GALNT12: variants seen among roughly 807,000 people sequenced by gnomAD.
GALNT12 encodes UDP-GalNAc:polypeptide N-acetylgalactosaminyltransferase 12.
Under a neutral mutation model 55.5 loss-of-function variants are expected in GALNT12, and 45 were observed. The ratio of observed to expected loss-of-function variants is 0.81; its 90% CI spans 0.64 to 1.04. The LOEUF (loss-of-function observed/expected upper bound fraction) is 1.04, where lower values mean the gene tolerates loss of function less well. Ranked by LOEUF, GALNT12 falls within the 50% of genes least tolerant of loss-of-function variation. The pLI is 0.00. For synonymous variants in GALNT12, 304 were observed against 312.2 expected, an observed-to-expected ratio of 0.97 and a Z score of 0.28; for missense variants, 709 against 754.8, an observed-to-expected ratio of 0.94 and a Z score of 0.71.
Position 98,840,035 on chromosome 9 carries a change from C to T in GALNT12, c.1246C>T (p.Leu416Phe), listed in dbSNP as rs1836248453. ...TGGGGATGTGACAGAGAGGAAGCAG[C>T]TCCGGGACAAGCTCCAGTGTAAAGA... ...PFGDVTERKQ[L>F]RDKLQCKDFK... Residue 416 changes from leucine to phenylalanine, a missense_variant, in exon 7 of 10, where the codon CTC becomes TTC. Transcript: ENST00000375011. The T allele has an allele frequency of 6.2e-7, 1 of 1,614,192 alleles. No individual in the cohort carries two copies. The highest frequency in any genetic ancestry group is 8.5e-7 in the Non-Finnish European group (1 of 1,180,016).
Position 98,840,128 on chromosome 9 carries a change from G to C in GALNT12, c.1339G>C (p.Gly447Arg). The C allele has an allele frequency of 6.2e-7, 1 of 1,613,358 alleles. No individual in the cohort carries two copies. The highest frequency in any genetic ancestry group is 8.5e-7 in the Non-Finnish European group (1 of 1,179,908). Reference protein sequence around the residue: ...HVPEDRPGFFGMLQNKGLTDY... With the variant: ...HVPEDRPGFFRMLQNKGLTDY... ...GCCTGAGGACAGGCCTGGCTTCTTC[G>C]GGATGGTGAGTGAGGGTGGTGGGCC... is the stretch of plus-strand genomic sequence containing the variant. Residue 447 changes from glycine to arginine, a missense_variant, in exon 7 of 10, where the codon GGG (glycine) becomes CGG (arginine). Physicochemically the swap from Gly to Arg is moderately radical, Grantham distance 125. Transcript: ENST00000375011.
intron 1 of GALNT12, among the ~76,000 whole-genome samples, chr9:98,813,512 T>TC (rs1835540449): frequency 6.6e-6 from 1 of 152,232 alleles, no homozygotes. Context: ...TTTTTTTTTT[T>TC]TTGAGATGGA....
At chr9:98,817,784 A>G (rs1450514258) in intron 1 of GALNT12, among the ~76,000 whole-genome samples, 3 of 152,168 alleles carry the variant, frequency 2.0e-5, no homozygotes. Flanking sequence ...GTTTTGGTAG[A>G]TATGAGAAAT....
intron 4 of GALNT12, among the ~76,000 whole-genome samples, chr9:98,834,389 G>A (rs574759892): frequency 1.6e-4 from 24 of 152,176 alleles, no homozygotes; most frequent in Non-Finnish European, 3.2e-4. Context: ...CCAAAGTGCT[G>A]GGATTACAGG....
chr9:98,820,710 C>T (rs1292404677), intron 1 of GALNT12, among the ~76,000 whole-genome samples: 1 of 152,226 alleles, frequency 6.6e-6, no homozygotes, highest in Non-Finnish European at 1.5e-5. Context: ...TTTACACTCC[C>T]AACAACAGTG....
chr9:98,847,969 C>T lies in GALNT12; in HGVS notation c.1606-983C>T, dbSNP rs138127113. On this transcript the variant is annotated intron_variant, in intron 9 of 9. Transcript: ENST00000375011. ...CTGGGACTACAGGCGCCCGCCACCA[C>T]GCCCAGCTAATTTTTTGTATTTTTA... 6.7e-3 allele frequency among the ~76,000 whole-genome samples: 1,013 copies of T among 152,046 alleles called. 11 individuals are homozygous for T. Among genetic ancestry groups the T allele is most frequent in the African/African-American group, 0.024 (976 of 41,456 alleles).
chr9:98,811,019 T>G (rs1235203762), intron 1 of GALNT12, among the ~76,000 whole-genome samples: 1 of 152,072 alleles, frequency 6.6e-6, no homozygotes, highest in East Asian at 1.9e-4. Flanking sequence ...GATAGTTGGG[T>G]GTGTGGCCCT....
intron 2 of GALNT12, among the ~76,000 whole-genome samples, chr9:98,825,421 G>C (rs1215103072): frequency 6.6e-6 from 1 of 152,176 alleles, no homozygotes; most frequent in African/African-American, 2.4e-5. Context: ...CCTGTAATGA[G>C]TTAGGAAGTC....
Position 98,844,220 on chromosome 9 carries a change from G to T in GALNT12, c.1458+11G>T. 6.7e-7 allele frequency: 1 copy of T among 1,489,470 alleles called. No homozygotes were observed. Among genetic ancestry groups the T allele is most frequent in the Non-Finnish European group, 9.4e-7 (1 of 1,066,120 alleles). 92.3% of individuals were successfully genotyped at this position (1,489,470 alleles called of 1,614,324 possible). A position where few individuals can be genotyped will look rare whatever the true frequency, so the allele number is the denominator to read the frequency against. ...ATGGGCCAGAATCAGGTAGGTATGA[G>T]CCTCAAAAGAGGAGAAAGCTGTGTG... On this transcript the variant is annotated intron_variant, in intron 8 of 9. Transcript: ENST00000375011.
At chr9:98,837,532 C>A (rs1190700504) in intron 6 of GALNT12, among the ~76,000 whole-genome samples, 1 of 152,172 alleles carries the variant, frequency 6.6e-6, no homozygotes. Flanking sequence ...ATTAACATTG[C>A]ACTCATGGCT....
intron 1 of GALNT12, among the ~76,000 whole-genome samples, chr9:98,812,245 T>C (rs2118284687): frequency 6.6e-6 from 1 of 152,286 alleles, no homozygotes; most frequent in East Asian, 1.9e-4. Context: ...TGTGTCCATA[T>C]GTTTTTGGTG....
At chr9:98,846,663 C>T (rs951718315) in intron 9 of GALNT12, among the ~76,000 whole-genome samples, 9 of 150,530 alleles carry the variant, frequency 6.0e-5, no homozygotes, top group Admixed American at 1.3e-4. Flanking sequence ...AGTTCGAGAC[C>T]AGCCTGGCCA....
intron 1 of GALNT12, among the ~76,000 whole-genome samples, chr9:98,812,472 T>A (rs553824736): frequency 1.3e-5 from 2 of 152,284 alleles, no homozygotes; most frequent in South Asian, 2.1e-4. Flanking sequence ...GTGTCTGTAG[T>A]CCCAGCTACT....
At position 98,813,791 on chromosome 9, in the gene GALNT12, C is replaced by T. The variant is rs1430498712; in HGVS notation, c.371+5722C>T. On this transcript the variant is annotated intron_variant, in intron 1 of 9. Coordinates refer to ENST00000375011, the MANE Select transcript of GALNT12 (RefSeq NM_024642.5). ...CTGGGATTACGGGTGTGAGCCACAG[C>T]GCCCAGCCAAGAGATTTAAAAAAAA... is the stretch of plus-strand genomic sequence containing the variant. 3.4e-5 allele frequency among the ~76,000 whole-genome samples: 5 copies of T among 145,452 alleles called. No homozygotes were observed. The East Asian group carries it at 8.0e-4, about 23-fold the overall frequency.
At chr9:98,815,734 A>T (rs1036620984) in intron 1 of GALNT12, among the ~76,000 whole-genome samples, 24 of 152,256 alleles carry the variant, frequency 1.6e-4, no homozygotes, top group Non-Finnish European at 4.4e-5. Flanking sequence ...AATGCACAAA[A>T]ATATAAAAAG....
chr9:98,845,613 C>G (rs1758050804), intron 8 of GALNT12, among the ~76,000 whole-genome samples: 1 of 152,134 alleles, frequency 6.6e-6, no homozygotes, highest in African/African-American at 2.4e-5. Flanking sequence ...AGTAGCTAGT[C>G]AAGGTCACAG....
intron 8 of GALNT12, among the ~76,000 whole-genome samples, chr9:98,845,465 A>G (rs1381607062): frequency 6.6e-6 from 1 of 152,182 alleles, no homozygotes; most frequent in African/African-American, 2.4e-5. Flanking sequence ...TAGTACACTC[A>G]GGTAGGAAAA....
chr9:98,811,680 G>A (rs891907479), intron 1 of GALNT12, among the ~76,000 whole-genome samples: 5 of 126,150 alleles, frequency 4.0e-5, no homozygotes, highest in South Asian at 2.6e-4. Context: ...TCTCGAAGTC[G>A]TTCTTTTTTT....
chr9:98,826,868 A>AG lies in GALNT12; in HGVS notation c.662dup (p.Asp222ArgfsTer11). On this transcript the variant is annotated frameshift_variant, in exon 3 of 10. Transcript: ENST00000375011. LOFTEE classifies it high-confidence loss of function. ...CCGGCTGCTGGGGGCGTCTGCGGCG[A>AG]GGGGCGATGTTCTGACCTTCCTGGA... is the stretch of plus-strand genomic sequence containing the variant. 6.2e-7 allele frequency: 1 copy of AG among 1,600,552 alleles called. No individual in the cohort carries two copies. The highest frequency in any genetic ancestry group is 8.5e-7 in the Non-Finnish European group (1 of 1,173,900).
Sources: gnomAD v4.1 joint callset for allele counts (sites outside exome capture counted in the v4.1 genomes callset) on GRCh38, gnomAD v4.1.1 for gene constraint, MANE v1.5 for transcripts, NCBI Gene and HGNC (gene_info 2026-07-23, HGNC 2026-07-21) for gene names.